Variants in TSHZ2 observed in about 807,000 individuals in gnomAD.
TSHZ2 encodes the protein teashirt homolog 2.
A neutral mutation model predicts 74.4 loss-of-function variants in TSHZ2; 21 were observed. That is an observed-to-expected ratio of 0.28 (90% CI 0.20 to 0.41). TSHZ2 has a LOEUF of 0.41. TSHZ2 is among the 10% of genes least tolerant of loss of function. The probability of loss-of-function intolerance (pLI) is 1.00; values close to 1 mark genes in which losing one functional copy is unlikely to be tolerated. For missense variants in TSHZ2, 1,244 were observed against 1,293.5 expected, an observed-to-expected ratio of 0.96 and a Z score of 0.59; for synonymous variants, 540 against 515.3, an observed-to-expected ratio of 1.05 and a Z score of -0.65.
chr20:53,332,296 T>G (rs1979756233), intron 2 of TSHZ2, among the ~76,000 whole-genome samples: 1 of 152,056 alleles, frequency 6.6e-6, no homozygotes, highest in Non-Finnish European at 1.5e-5. Context: ...GAAAGATGCC[T>G]CTAAGGCTTG....
chr20:53,016,737 T>G (rs1983052456), intron 1 of TSHZ2, among the ~76,000 whole-genome samples: 1 of 152,208 alleles, frequency 6.6e-6, no homozygotes, highest in South Asian at 2.1e-4. Context: ...AAATAGCCCC[T>G]AAGTCACAGT....
chr20:53,435,213 A>C (rs140857003), intron 2 of TSHZ2, among the ~76,000 whole-genome samples: 130 of 152,334 alleles, frequency 8.5e-4, no homozygotes, highest in African/African-American at 3.0e-3. Flanking sequence ...TTATTTTCTG[A>C]GTACCAATTG....
intron 1 of TSHZ2, among the ~76,000 whole-genome samples, chr20:53,036,768 AT>A (rs1243002902): frequency 3.4e-5 from 5 of 148,036 alleles, no homozygotes; most frequent in Non-Finnish European, 6.0e-5. Flanking sequence ...TACATAAAGT[AT>A]ATATTATATA....
intron 2 of TSHZ2, among the ~76,000 whole-genome samples, chr20:53,330,089 ATTTC>A (rs1431059654): frequency 6.6e-6 from 1 of 152,156 alleles, no homozygotes; most frequent in Non-Finnish European, 1.5e-5. Context: ...AGCCTAAAAT[ATTTC>A]TTTATTATCT....
chr20:52,993,979 G>A (rs1488003702), intron 1 of TSHZ2, among the ~76,000 whole-genome samples: 1 of 152,164 alleles, frequency 6.6e-6, no homozygotes, highest in Non-Finnish European at 1.5e-5. Context: ...CTTTTCCAGG[G>A]TACAAATCTC....
intron 2 of TSHZ2, among the ~76,000 whole-genome samples, chr20:53,306,247 C>CA (rs2145491268): frequency 6.6e-6 from 1 of 152,200 alleles, no homozygotes; most frequent in African/African-American, 2.4e-5. Flanking sequence ...CTCTTCTTGC[C>CA]AAAAAAGCAA....
intron 1 of TSHZ2, among the ~76,000 whole-genome samples, chr20:53,188,759 C>T (rs1443566540): frequency 6.6e-6 from 1 of 152,102 alleles, no homozygotes; most frequent in African/African-American, 2.4e-5. Flanking sequence ...TACCTATGAA[C>T]CAGCTGCCTA....
intron 2 of TSHZ2, among the ~76,000 whole-genome samples, chr20:53,474,818 C>T (rs975947378): frequency 7.1e-6 from 1 of 139,876 alleles, no homozygotes; most frequent in African/African-American, 2.8e-5. Flanking sequence ...GGAAGATCTA[C>T]CAAGCAAATG....
rs545091154 is a variant in TSHZ2, at chr20:53,228,768, G to C, written c.41-24731G>C. On this transcript the variant is annotated intron_variant, in intron 1 of 2. Transcript: ENST00000371497. ...GTCCTCTGCCCATTGGATGCCAGTG[G>C]CACCACCTCCCGAGTTGAGACAACC... Among the ~76,000 whole-genome samples, 8 of 151,492 alleles carry C rather than the reference G, an allele frequency of 5.3e-5. No individual in the cohort carries two copies. In the South Asian group the frequency reaches 1.3e-3, roughly 24 times the overall value.
rs374648855 is a variant in TSHZ2 at position 53,394,260 on chromosome 20, C to T, written c.*9-92884C>T. Reference sequence around the variant, plus strand: ...GAACAGAACATAGAATCCCATGAACCGATGTCCCCAGTTGAGGTTTGGAAT... The same window carrying T: ...GAACAGAACATAGAATCCCATGAACTGATGTCCCCAGTTGAGGTTTGGAAT... On this transcript the variant is annotated intron_variant, in intron 2 of 2. Transcript: ENST00000371497. 1.1e-4 allele frequency among the ~76,000 whole-genome samples: 17 copies of T among 152,196 alleles called. No individual in the cohort carries two copies. The East Asian group carries it at 1.2e-3, about 10-fold the overall frequency.
chr20:53,480,358 C>T (rs1413419006), intron 2 of TSHZ2, among the ~76,000 whole-genome samples: 2 of 151,710 alleles, frequency 1.3e-5, no homozygotes, highest in African/African-American at 4.8e-5. Flanking sequence ...CATGAGCCAC[C>T]GTGCCCAGCC....
In TSHZ2 at chr20:53,128,625, G is replaced by C. The variant is rs550789358; in HGVS notation, c.41-124874G>C. ...TGTCAATACCCAGAGAAATGAGCAG[G>C]AGCACTTTTTTTTTTAGATGGAGTC... On this transcript the variant is annotated intron_variant, in intron 1 of 2. Transcript: ENST00000371497. Among the ~76,000 whole-genome samples the C allele has an allele frequency of 2.0e-5, 3 of 152,050 alleles. No individual in the cohort carries two copies. In the East Asian group the frequency reaches 5.8e-4, roughly 29 times the overall value.
intron 1 of TSHZ2, among the ~76,000 whole-genome samples, chr20:53,249,331 T>A (rs536743585): frequency 1.3e-5 from 2 of 152,266 alleles, no homozygotes; most frequent in South Asian, 4.1e-4. Context: ...ACTCAAATAG[T>A]TTGTGGACAT....
rs1415631017 is a variant in TSHZ2 at position 53,469,045 on chromosome 20, T to TTTTATATA, written c.*9-18098_*9-18097insTTATATAT. On this transcript the variant is annotated intron_variant, in intron 2 of 2. Coordinates refer to ENST00000371497, the MANE Select transcript of TSHZ2 (RefSeq NM_173485.6). ...ACCTAAAGGCTCTGAAATCGATATT[T>TTTTATATA]TATATATATATATATATATATATAT... Among the ~76,000 whole-genome samples the TTTTATATA allele has an allele frequency of 8.1e-4, 40 of 49,120 alleles. 2 individuals carry two copies. In the East Asian group the frequency reaches 9.7e-3, roughly 12 times the overall value. 32.2% of individuals were successfully genotyped at this position (49,120 alleles called of 152,430 possible).
At chr20:53,147,892 T>C (rs1241212578) in intron 1 of TSHZ2, among the ~76,000 whole-genome samples, 1 of 152,168 alleles carries the variant, frequency 6.6e-6, no homozygotes, top group African/African-American at 2.4e-5. Flanking sequence ...AACTTTTGTA[T>C]TTTTAGTAGA....
chr20:53,343,400 T>TG (rs1425343867), intron 2 of TSHZ2, among the ~76,000 whole-genome samples: 2 of 152,184 alleles, frequency 1.3e-5, no homozygotes, highest in African/African-American at 4.8e-5. Context: ...CACAAGGCAG[T>TG]GGCCAGAATT....
At chr20:53,012,314 A>G (rs1274141279) in intron 1 of TSHZ2, among the ~76,000 whole-genome samples, 1 of 151,976 alleles carries the variant, frequency 6.6e-6, no homozygotes, top group African/African-American at 2.4e-5. Flanking sequence ...TTAGCCACCA[A>G]TCGGCCTTCT....
intron 2 of TSHZ2, among the ~76,000 whole-genome samples, chr20:53,454,800 T>C (rs1984984459): frequency 6.6e-6 from 1 of 152,126 alleles, no homozygotes; most frequent in African/African-American, 2.4e-5. Flanking sequence ...AAAGTTTCAT[T>C]TGTCTTATCT....
chr20:53,399,123 C>A (rs545835580), intron 2 of TSHZ2: 1 of 152,178 alleles, frequency 6.6e-6, no homozygotes, highest in African/African-American at 2.4e-5. Flanking sequence ...TACTGGAAAT[C>A]GCTAACGGAG....
Sources: allele counts gnomAD v4.1 joint callset (sites outside exome capture counted in the v4.1 genomes callset), GRCh38; gene constraint gnomAD v4.1.1; transcripts MANE v1.5; gene names NCBI Gene and HGNC (gene_info 2026-07-23, HGNC 2026-07-21).